Variants in RAPGEF2 observed in about 807,000 individuals in gnomAD.
RAPGEF2 encodes PDZ domain containing guanine nucleotide exchange factor (GEF) 1.
A neutral mutation model predicts 186.7 loss-of-function variants in RAPGEF2; 54 were observed. The ratio of observed to expected loss-of-function variants is 0.29; its 90% CI spans 0.23 to 0.36. The LOEUF (loss-of-function observed/expected upper bound fraction) is 0.36. Ranked by LOEUF, RAPGEF2 falls within the 10% of genes least tolerant of loss-of-function variation. The pLI is 1.00. For missense variants in RAPGEF2, 1,532 were observed against 2,045.0 expected (o/e 0.75, Z 4.84); for synonymous variants, 712 against 705.9 (o/e 1.01, Z -0.14).
At chr4:159,199,976 A>G (rs1749232684) in intron 3 of RAPGEF2, among the ~76,000 whole-genome samples, 1 of 152,146 alleles carries the variant, frequency 6.6e-6, no homozygotes, top group Admixed American at 6.5e-5. Context: ...TTTAAATGTG[A>G]TAAATTGTTC....
At chr4:159,261,227 ATT>A (rs545991368) in intron 7 of RAPGEF2, among the ~76,000 whole-genome samples, 5 of 151,356 alleles carry the variant, frequency 3.3e-5, no homozygotes, top group Non-Finnish European at 5.9e-5. Flanking sequence ...AGACTGGCTA[ATT>A]TTTTTTGTAT....
At chr4:159,252,959 TATAAA>T (rs1216780702) in intron 7 of RAPGEF2, among the ~76,000 whole-genome samples, 3 of 152,206 alleles carry the variant, frequency 2.0e-5, no homozygotes, top group Non-Finnish European at 2.9e-5. Flanking sequence ...TAAGGGGAAA[TATAAA>T]ACAAATTTAT....
chr4:159,313,554 TA>T (rs1210352434), intron 8 of RAPGEF2, among the ~76,000 whole-genome samples: 8 of 152,162 alleles, frequency 5.3e-5, no homozygotes, highest in Admixed American at 4.6e-4. Flanking sequence ...ATCTTTCTTT[TA>T]AAAAATATTT....
chr4:159,124,654 C>G (rs185398307), intron 1 of RAPGEF2, among the ~76,000 whole-genome samples: 1 of 152,194 alleles, frequency 6.6e-6, no homozygotes, highest in Non-Finnish European at 1.5e-5. Context: ...AGCCTAGTTT[C>G]CCTGTTATTT....
chr4:159,151,842 G>A (rs1280296174), intron 1 of RAPGEF2, among the ~76,000 whole-genome samples: 1 of 152,152 alleles, frequency 6.6e-6, no homozygotes, highest in Non-Finnish European at 1.5e-5. Context: ...AAACAGTTGG[G>A]CGACATTGAT....
intron 2 of RAPGEF2, among the ~76,000 whole-genome samples, chr4:159,191,724 T>C (rs1748146507): frequency 6.6e-6 from 1 of 151,858 alleles, no homozygotes; most frequent in Non-Finnish European, 1.5e-5. Flanking sequence ...GGTGACAGAG[T>C]GAGACTCCAT....
intron 1 of RAPGEF2, among the ~76,000 whole-genome samples, chr4:159,155,516 A>G (rs1435911266): frequency 8.6e-6 from 1 of 116,812 alleles, no homozygotes; most frequent in East Asian, 2.1e-4. Context: ...AGGTAGGGGA[A>G]CATGTAAGAT....
chr4:159,104,549 A>AGG (rs760626474), intron 1 of RAPGEF2, among the ~76,000 whole-genome samples: 34 of 132,138 alleles, frequency 2.6e-4, no homozygotes, highest in African/African-American at 1.1e-3. Flanking sequence ...AGAGAGAGAG[A>AGG]GAGAGTGTGT....
intron 7 of RAPGEF2, among the ~76,000 whole-genome samples, chr4:159,271,792 T>G (rs952605080): frequency 6.6e-6 from 1 of 152,204 alleles, no homozygotes; most frequent in Non-Finnish European, 1.5e-5. Flanking sequence ...ATATGTGACA[T>G]TCCAAGCAGC....
chr4:159,250,766 C>T (rs530082340), intron 7 of RAPGEF2, among the ~76,000 whole-genome samples: 3 of 149,916 alleles, frequency 2.0e-5, no homozygotes, highest in South Asian at 2.1e-4. Flanking sequence ...GAGGTGACAA[C>T]GTGCTAGCAG....
chr4:159,135,846 G>A (rs758281402), intron 1 of RAPGEF2, among the ~76,000 whole-genome samples: 7 of 151,596 alleles, frequency 4.6e-5, no homozygotes, highest in Middle Eastern at 3.4e-3. Context: ...TAATCTGCCC[G>A]CCTCGGCCTC....
intron 7 of RAPGEF2, among the ~76,000 whole-genome samples, chr4:159,290,819 A>G (rs1159342672): frequency 6.6e-6 from 1 of 152,136 alleles, no homozygotes; most frequent in Admixed American, 6.5e-5. Context: ...ATGAGTATAT[A>G]TTCCTGCTGG....
intron 1 of RAPGEF2, among the ~76,000 whole-genome samples, chr4:159,113,091 G>A (rs1479471498): frequency 6.6e-6 from 1 of 152,172 alleles, no homozygotes; most frequent in African/African-American, 2.4e-5. Context: ...TTCCCTGAAA[G>A]TATTGAGGGT....
intron 3 of RAPGEF2, among the ~76,000 whole-genome samples, chr4:159,204,172 G>T (rs1372139207): frequency 6.6e-6 from 1 of 152,232 alleles, no homozygotes; most frequent in South Asian, 2.1e-4. Context: ...GTAGTTGGAA[G>T]AAGATGCTCA....
chr4:159,193,327 G>T (rs1056765923), intron 3 of RAPGEF2, 71 bp downstream of exon 3: 3 of 927,844 alleles, frequency 3.2e-6, no homozygotes, highest in Admixed American at 3.3e-5. Flanking sequence ...TATCAAAGGA[G>T]TATTAGTAAC....
intron 1 of RAPGEF2, among the ~76,000 whole-genome samples, chr4:159,118,027 C>T (rs766938032): frequency 6.6e-6 from 1 of 151,944 alleles, no homozygotes; most frequent in Non-Finnish European, 1.5e-5. Flanking sequence ...TACCAATCTC[C>T]TATAATTGTG....
intron 9 of RAPGEF2, among the ~76,000 whole-genome samples, chr4:159,320,464 T>C (rs1230662566): frequency 6.6e-6 from 1 of 152,200 alleles, no homozygotes; most frequent in Non-Finnish European, 1.5e-5. Context: ...GTTTAACTTA[T>C]TTTTTAAAAA....
rs75176511 is a variant in RAPGEF2 at position 159,343,475 on chromosome 4, T to C, written c.3254+71T>C. The C allele has an allele frequency of 5.9e-4, 925 of 1,564,308 alleles. 3 individuals are homozygous for C. In the African/African-American group the frequency reaches 9.9e-3, roughly 17 times the overall value. On this transcript the variant is annotated intron_variant, in intron 22 of 29. Coordinates refer to ENST00000691494, the MANE Select transcript of RAPGEF2 (RefSeq NM_001394067.2). ...AAATTTAGAGCTTCCCAATAAATGA[T>C]TTTTTTAAAGTTTGAGTATTTATAT... is the stretch of plus-strand genomic sequence containing the variant.
Position 159,354,044 on chromosome 4 carries a change from T to C in RAPGEF2, c.4649T>C (p.Ile1550Thr), listed in dbSNP as rs757553333. ...GCATCAAGTACTACAAAGGGGCTCA[T>C]TGGTAAGTTTTAAAATTGGGGGACT... ...AVASSTTKGLIARKEGRYREP... is the reference protein window; with the variant it reads ...AVASSTTKGLTARKEGRYREP... The change falls in exon 28 of 30, where the codon ATT (isoleucine) becomes ACT (threonine). Residue 1550 changes from isoleucine (I) to threonine (T), a missense_variant and splice_region_variant. This residue lies in a region of RAPGEF2 where 594 missense variants were observed against 608.5 expected (regional missense o/e 0.98). Transcript: ENST00000691494. 14 of 1,556,954 alleles carry C rather than the reference T, an allele frequency of 9.0e-6. No homozygotes were observed. The highest frequency in any genetic ancestry group is 8.3e-5 in the African/African-American group (6 of 72,574).
Sources: allele counts gnomAD v4.1 joint callset (sites outside exome capture counted in the v4.1 genomes callset), GRCh38; gene constraint gnomAD v4.1.1; regional missense constraint gnomAD v4.1.1; transcripts MANE v1.5; gene names NCBI Gene and HGNC (gene_info 2026-07-23, HGNC 2026-07-21).